Variants in FAM219A observed in about 807,000 individuals in gnomAD.
FAM219A encodes the protein family with sequence similarity 219 member A.
A neutral mutation model predicts 23.4 loss-of-function variants in FAM219A; 7 were observed. The observed-to-expected ratio is 0.30, with a 90% CI of 0.17 to 0.56. The LOEUF (loss-of-function observed/expected upper bound fraction) is 0.56, where lower values mean the gene tolerates loss of function less well. Ranked by LOEUF, FAM219A falls within the 20% of genes least tolerant of loss-of-function variation. The pLI is 0.92. For synonymous variants in FAM219A, 93 were observed against 99.0 expected (o/e 0.94, Z 0.36); for missense variants, 166 against 246.9 (o/e 0.67, Z 2.20).
chr9:34,401,215 A>G, intron 5 of FAM219A, 93 bp from the exon 6 acceptor site: 1 of 1,459,172 alleles, frequency 6.9e-7, no homozygotes, highest in Non-Finnish European at 9.4e-7. Flanking sequence ...GCCCCAGTCC[A>G]GCCAGTGCCC....
chr9:34,423,345 G>A (rs1254672305), intron 1 of FAM219A, among the ~76,000 whole-genome samples: 1 of 152,100 alleles, frequency 6.6e-6, no homozygotes, highest in Non-Finnish European at 1.5e-5. Flanking sequence ...AACTGATGGA[G>A]GAAGCAAGAA....
intron 1 of FAM219A, among the ~76,000 whole-genome samples, chr9:34,442,127 T>C (rs968003291): frequency 3.3e-5 from 5 of 152,186 alleles, no homozygotes; most frequent in Non-Finnish European, 5.9e-5. Flanking sequence ...AAAGGTAAAC[T>C]GTGGCATACA....
At chr9:34,443,158 C>G (rs911824323) in intron 1 of FAM219A, among the ~76,000 whole-genome samples, 2 of 152,142 alleles carry the variant, frequency 1.3e-5, no homozygotes, top group Non-Finnish European at 2.9e-5. Flanking sequence ...TCTGCCTCCT[C>G]TAGCCCACTG....
chr9:34,409,812 C>T (rs910622740), intron 1 of FAM219A, among the ~76,000 whole-genome samples: 4 of 152,112 alleles, frequency 2.6e-5, no homozygotes, highest in Non-Finnish European at 5.9e-5. Flanking sequence ...GTAGATTCAC[C>T]TTTATTTCAT....
At chr9:34,406,090 G>A in intron 1 of FAM219A, 126 bp from the exon 2 acceptor site, 1 of 1,040,480 alleles carries the variant, frequency 9.6e-7, no homozygotes, top group Non-Finnish European at 1.4e-6. Flanking sequence ...CTCAGAGCAG[G>A]CAGGGCATTC....
intron 1 of FAM219A, among the ~76,000 whole-genome samples, chr9:34,439,833 T>A (rs1475761535): frequency 6.6e-6 from 1 of 152,120 alleles, no homozygotes; most frequent in Non-Finnish European, 1.5e-5. Flanking sequence ...TACTAAGGAT[T>A]TGAGTCTTTA....
intron 4 of FAM219A, 144 bp from the exon 5 acceptor site, chr9:34,401,864 G>A (rs1821448490): frequency 1.1e-6 from 1 of 916,644 alleles, no homozygotes; most frequent in Non-Finnish European, 1.7e-6. Context: ...TGCTTGCTGT[G>A]CAAATGCAGG....
chr9:34,428,447 G>C (rs1479647566), intron 1 of FAM219A, among the ~76,000 whole-genome samples: 2 of 152,214 alleles, frequency 1.3e-5, no homozygotes, highest in African/African-American at 4.8e-5. Flanking sequence ...ATCCCAGAAA[G>C]AGCCTCCAGG....
At chr9:34,420,443 T>G (rs984156481) in intron 1 of FAM219A, among the ~76,000 whole-genome samples, 1 of 152,232 alleles carries the variant, frequency 6.6e-6, no homozygotes, top group Non-Finnish European at 1.5e-5. Context: ...GGTGAAGCTC[T>G]GCCCTGGGGG....
intron 1 of FAM219A, among the ~76,000 whole-genome samples, chr9:34,418,495 G>C (rs566863444): frequency 1.3e-5 from 2 of 152,362 alleles, no homozygotes; most frequent in East Asian, 3.9e-4. Flanking sequence ...CCAGGAGGTA[G>C]ACACCAGAAT....
intron 1 of FAM219A, among the ~76,000 whole-genome samples, chr9:34,415,192 C>G (rs377380855): frequency 6.6e-6 from 1 of 151,950 alleles, no homozygotes; most frequent in Non-Finnish European, 1.5e-5. Flanking sequence ...TCTTTCCACA[C>G]ACCACACTTC....
In FAM219A at chr9:34,405,750, T is replaced by C. The variant is rs1821609491; in HGVS notation, c.160+115A>G. On this transcript the variant is annotated intron_variant, in intron 2 of 5. Transcript: ENST00000651358. ...CTCGCAGTGCCAATGACTTGAAGGC[T>C]TGAGTCTTGGAATCATCTAGGCTGA... 4.0e-5 allele frequency: 41 copies of C among 1,033,178 alleles called. No homozygotes were observed. In the South Asian group the frequency reaches 6.1e-4, roughly 15 times the overall value. The allele number at this position is 1,033,178 out of a possible 1,614,324, so 64.0% of individuals were successfully genotyped here.
intron 1 of FAM219A, among the ~76,000 whole-genome samples, chr9:34,450,665 C>T (rs759503221): frequency 9.5e-4 from 145 of 152,344 alleles, no homozygotes; most frequent in Non-Finnish European, 1.7e-3. Context: ...TATCCACCGC[C>T]TCGGCCTCCC....
Position 34,407,030 on chromosome 9 carries a change from T to C in FAM219A, c.61-1066A>G, listed in dbSNP as rs541071439. Among the ~76,000 whole-genome samples the C allele has an allele frequency of 4.5e-4, 69 of 152,198 alleles. 3 individuals carry two copies. In the South Asian group the frequency reaches 0.014, roughly 31 times the overall value. The stretch of plus-strand genomic sequence containing the variant: ...ATTGGCCAGGCTGGTCTCGAACTCC[T>C]GACCTCATGATCCGCCTGCCTCAGC... On this transcript the variant is annotated intron_variant, in intron 1 of 5. Coordinates refer to ENST00000651358, the MANE Select transcript of FAM219A (RefSeq NM_001184940.2).
rs1196051124 is a variant in FAM219A, at chr9:34,417,524, G to A, written c.61-11560C>T. Among the ~76,000 whole-genome samples, 1 of 152,040 alleles carries A rather than the reference G, an allele frequency of 6.6e-6. No homozygotes were observed. The highest frequency in any genetic ancestry group is 1.5e-5 in the Non-Finnish European group (1 of 68,034). On this transcript the variant is annotated intron_variant, in intron 1 of 5. Coordinates refer to ENST00000651358, the MANE Select transcript of FAM219A (RefSeq NM_001184940.2). The surrounding 1 kb of genome is among the most constrained non-coding windows in gnomAD (Gnocchi z 4.1). ...TGAAATCCACATATATTTACATTTA[G>A]GATCATTTCCTAAATAAAGTAGATT...
rs1213159620 is a variant in FAM219A at position 34,398,276 on chromosome 9, ATAT to A, written c.*2685_*2687del. On this transcript the variant is annotated 3_prime_UTR_variant, in exon 6 of 6. Coordinates refer to ENST00000651358, the MANE Select transcript of FAM219A (RefSeq NM_001184940.2). ...TACTGCAATGAAAATGTTAAAAAAAATATTATACACGGCTCATGTCTTCCACAC... is the reference window on the plus strand; with the variant it reads ...TACTGCAATGAAAATGTTAAAAAAAATATACACGGCTCATGTCTTCCACAC... 1.5e-5 allele frequency: 23 copies of A among 1,550,552 alleles called. No individual in the cohort carries two copies. Among genetic ancestry groups the A allele is most frequent in the East Asian group, 4.9e-5 (2 of 40,940 alleles).
intron 1 of FAM219A, among the ~76,000 whole-genome samples, chr9:34,406,786 A>G (rs1255067324): frequency 1.3e-5 from 2 of 149,318 alleles, no homozygotes; most frequent in African/African-American, 4.9e-5. Flanking sequence ...TGGGCTGGGA[A>G]CTATGTTGTC....
intron 1 of FAM219A, among the ~76,000 whole-genome samples, chr9:34,407,514 G>A (rs776917421): frequency 2.0e-5 from 3 of 152,148 alleles, no homozygotes; most frequent in South Asian, 2.1e-4. Flanking sequence ...AACCTGGGCC[G>A]AGAGGGGAAG....
intron 1 of FAM219A, among the ~76,000 whole-genome samples, chr9:34,439,402 C>T (rs1228455662): frequency 2.0e-5 from 3 of 152,112 alleles, no homozygotes; most frequent in Non-Finnish European, 4.4e-5. Context: ...AGTGAATGTC[C>T]ATTATGTGAA....
Sources: gnomAD v4.1 joint callset for allele counts (sites outside exome capture counted in the v4.1 genomes callset) on GRCh38, gnomAD v4.1.1 for gene constraint, Gnocchi (gnomAD v3.1) non-coding constraint, MANE v1.5 for transcripts, NCBI Gene and HGNC (gene_info 2026-07-23, HGNC 2026-07-21) for gene names.